SPOCK1: variants seen among roughly 807,000 people sequenced by gnomAD.
SPOCK1 encodes the protein SPARC (osteonectin), cwcv and kazal like domains proteoglycan 1.
Under a neutral mutation model 55.3 loss-of-function variants are expected in SPOCK1, and 23 were observed. That is an observed-to-expected ratio of 0.42 (90% CI 0.30 to 0.59). The LOEUF is 0.59. SPOCK1 is among the 20% of genes least tolerant of loss of function. The probability of loss-of-function intolerance (pLI) is 0.22; values close to 1 mark genes in which losing one functional copy is unlikely to be tolerated. For missense variants in SPOCK1, 499 were observed against 552.5 expected, an observed-to-expected ratio of 0.90 and a Z score of 0.97; for synonymous variants, 226 against 221.0, an observed-to-expected ratio of 1.02 and a Z score of -0.20.
At chr5:137,477,146 C>T (rs997917968) in intron 2 of SPOCK1, among the ~76,000 whole-genome samples, 23 of 152,230 alleles carry the variant, frequency 1.5e-4, no homozygotes, top group African/African-American at 5.5e-4. Flanking sequence ...ACTAGGCAGT[C>T]ATGCTCAAAG....
Position 136,978,564 on chromosome 5 carries a change from C to T in SPOCK1, c.*90G>A. On this transcript the variant is annotated 3_prime_UTR_variant, in exon 11 of 11. Transcript: ENST00000394945. Reference sequence around the variant, plus strand: ...ATAGAGAGCAACAATGGAGAAGAGACCTTGGTGCCTTGGAGTCTTAGATAC... The same window carrying T: ...ATAGAGAGCAACAATGGAGAAGAGATCTTGGTGCCTTGGAGTCTTAGATAC... The T allele has an allele frequency of 2.1e-6, 3 of 1,407,664 alleles. No individual in the cohort carries two copies. Among genetic ancestry groups the T allele is most frequent in the Non-Finnish European group, 2.9e-6 (3 of 1,037,804 alleles). 87.2% of individuals were successfully genotyped at this position (1,407,664 alleles called of 1,614,324 possible).
chr5:137,342,499 G>A (rs1193566917), intron 2 of SPOCK1, among the ~76,000 whole-genome samples: 1 of 152,180 alleles, frequency 6.6e-6, no homozygotes. Flanking sequence ...GTTGTCTCAA[G>A]AGGAATTTCC....
At chr5:136,995,521 A>T (rs1010336884) in intron 6 of SPOCK1, among the ~76,000 whole-genome samples, 2 of 152,206 alleles carry the variant, frequency 1.3e-5, no homozygotes, top group Non-Finnish European at 2.9e-5. Flanking sequence ...TTCTGAGGAA[A>T]ATAGGTTGTG....
intron 2 of SPOCK1, among the ~76,000 whole-genome samples, chr5:137,346,365 A>C (rs906722049): frequency 6.6e-6 from 1 of 152,132 alleles, no homozygotes; most frequent in Non-Finnish European, 1.5e-5. Context: ...TGAATGGCTA[A>C]TTTAAATGGA....
chr5:137,168,056 C>A (rs559276017), intron 3 of SPOCK1, among the ~76,000 whole-genome samples: 15 of 151,760 alleles, frequency 9.9e-5, no homozygotes, highest in African/African-American at 2.7e-4. Context: ...AAAAGATAAA[C>A]AAAATTGACA....
intron 2 of SPOCK1, among the ~76,000 whole-genome samples, chr5:137,403,451 A>G (rs739702): frequency 0.39 from 59,253 of 152,090 alleles, 12,246 homozygotes; most frequent in East Asian, 0.57. Flanking sequence ...AATCCTTGCC[A>G]TCATCAAATT....
chr5:137,112,507 G>T lies in SPOCK1; in HGVS notation c.402C>A (p.Val134=). ...QKHWVGPSNL[V]KCKPCPVAQS... is the part of the protein sequence containing the mutation. Reference sequence around the variant, plus strand: ...GTGCCACGGGACAGGGCTTGCACTTGACCAAATTCGAAGGTCCAACCCAGT... The same window carrying T: ...GTGCCACGGGACAGGGCTTGCACTTTACCAAATTCGAAGGTCCAACCCAGT... Residue 134 remains valine (V), a synonymous_variant, in exon 5 of 11, where the codon GTC becomes GTA. Transcript: ENST00000394945. 1 of 1,613,854 alleles carries T rather than the reference G, an allele frequency of 6.2e-7. No homozygotes were observed. The highest frequency in any genetic ancestry group is 8.5e-7 in the Non-Finnish European group (1 of 1,180,008).
chr5:137,240,807 G>A (rs1221291025), intron 3 of SPOCK1, among the ~76,000 whole-genome samples: 1 of 152,180 alleles, frequency 6.6e-6, no homozygotes, highest in Non-Finnish European at 1.5e-5. Flanking sequence ...ATATCAGACA[G>A]TATAACATTA....
intron 2 of SPOCK1, among the ~76,000 whole-genome samples, chr5:137,316,538 C>T (rs1228439876): frequency 6.6e-6 from 1 of 152,202 alleles, no homozygotes; most frequent in Non-Finnish European, 1.5e-5. Context: ...TGAATCCCCT[C>T]TCTGCTAGCT....
At chr5:137,330,518 C>CA (rs1235459675) in intron 2 of SPOCK1, among the ~76,000 whole-genome samples, 1 of 152,164 alleles carries the variant, frequency 6.6e-6, no homozygotes, top group African/African-American at 2.4e-5. Context: ...AAGCTAGAAG[C>CA]AAAAATTAAA....
chr5:137,433,037 T>C (rs1425070065), intron 2 of SPOCK1, among the ~76,000 whole-genome samples: 3 of 152,226 alleles, frequency 2.0e-5, no homozygotes, highest in African/African-American at 7.2e-5. Flanking sequence ...TTTCCTGCCC[T>C]GTGGAAGGCA....
At chr5:137,450,985 A>T (rs1410863523) in intron 2 of SPOCK1, among the ~76,000 whole-genome samples, 1 of 152,140 alleles carries the variant, frequency 6.6e-6, no homozygotes, top group Non-Finnish European at 1.5e-5. Flanking sequence ...CACCAAGGCA[A>T]GAGCAATCAT....
At chr5:137,266,134 CAT>C (rs1255679102) in intron 3 of SPOCK1, among the ~76,000 whole-genome samples, 2 of 152,218 alleles carry the variant, frequency 1.3e-5, no homozygotes, top group Admixed American at 6.5e-5. Flanking sequence ...CTCCATGTCA[CAT>C]GTCAATGCCT....
At chr5:136,988,120 A>G (rs1750878362) in intron 8 of SPOCK1, among the ~76,000 whole-genome samples, 1 of 152,156 alleles carries the variant, frequency 6.6e-6, no homozygotes, top group Non-Finnish European at 1.5e-5. Flanking sequence ...CCTTTGGATT[A>G]TGTCATGAAG....
chr5:137,475,608 G>A (rs1440682806), intron 2 of SPOCK1, among the ~76,000 whole-genome samples: 3 of 148,696 alleles, frequency 2.0e-5, no homozygotes, highest in African/African-American at 7.4e-5. Flanking sequence ...TTTGAGACAA[G>A]GTTTCACTCT....
chr5:137,019,794 T>C (rs1751532574), intron 6 of SPOCK1, among the ~76,000 whole-genome samples: 1 of 151,704 alleles, frequency 6.6e-6, no homozygotes, highest in Non-Finnish European at 1.5e-5. Flanking sequence ...CAAAAAGGAA[T>C]GATAGACAAA....
chr5:137,331,480 A>C (rs937166055), intron 2 of SPOCK1, among the ~76,000 whole-genome samples: 1 of 152,186 alleles, frequency 6.6e-6, no homozygotes, highest in African/African-American at 2.4e-5. Flanking sequence ...TAAACACCTG[A>C]GGCTGGATAA....
intron 3 of SPOCK1, among the ~76,000 whole-genome samples, chr5:137,235,931 C>T (rs893953942): frequency 2.0e-5 from 3 of 152,178 alleles, no homozygotes; most frequent in African/African-American, 4.8e-5. Context: ...ATGGAGGCCC[C>T]GGATAAATGA....
In SPOCK1 at chr5:137,399,664, G is replaced by C. The variant is rs1751933830; in HGVS notation, c.186+98709C>G. 2.0e-5 allele frequency among the ~76,000 whole-genome samples: 3 copies of C among 152,124 alleles called. No individual in the cohort carries two copies. The South Asian group carries it at 6.2e-4, about 32-fold the overall frequency. ...TGTAGACCAGACGTTTGCACGTAAAGAGAGACCTCACCAACACAGAAGAAA... is the reference window on the plus strand; with the variant it reads ...TGTAGACCAGACGTTTGCACGTAAACAGAGACCTCACCAACACAGAAGAAA... On this transcript the variant is annotated intron_variant, in intron 2 of 10. Coordinates refer to ENST00000394945, the MANE Select transcript of SPOCK1 (RefSeq NM_004598.4).
Sources: gnomAD v4.1 joint callset for allele counts (sites outside exome capture counted in the v4.1 genomes callset) on GRCh38, gnomAD v4.1.1 for gene constraint, MANE v1.5 for transcripts, NCBI Gene and HGNC (gene_info 2026-07-23, HGNC 2026-07-21) for gene names.